The following TPP2 variants were observed in gnomAD, a reference collection of about 807,000 sequenced individuals.
TPP2 encodes tripeptidyl peptidase 2, also known as tripeptidyl-peptidase 2.
Under a neutral mutation model 155.9 loss-of-function variants are expected in TPP2, and 34 were observed. That is an observed-to-expected ratio of 0.22 (90% CI 0.17 to 0.29). TPP2 has a LOEUF of 0.29. TPP2 is among the 10% of genes least tolerant of loss of function. The probability of loss-of-function intolerance (pLI) is 1.00; values close to 1 mark genes in which losing one functional copy is unlikely to be tolerated. For synonymous variants in TPP2, 510 were observed against 529.4 expected (o/e 0.96, Z 0.50); for missense variants, 1,028 against 1,522.3 (o/e 0.68, Z 5.40).
chr13:102,640,252 A>G lies in TPP2; in HGVS notation c.1914-18A>G, dbSNP rs371456554. Reference sequence around the variant, plus strand: ...TTATAATAAATATATACATTTAATTACTTTTATTAATTTTCAGAGTAAATG... The same window carrying G: ...TTATAATAAATATATACATTTAATTGCTTTTATTAATTTTCAGAGTAAATG... On this transcript the variant is annotated intron_variant, in intron 15 of 29. Coordinates refer to ENST00000376052, the MANE Select transcript of TPP2 (RefSeq NM_001330588.2). 16 of 1,514,234 alleles carry G rather than the reference A, an allele frequency of 1.1e-5. No homozygotes were observed. In the African/African-American group the frequency reaches 1.7e-4, roughly 16 times the overall value. 93.8% of individuals were successfully genotyped at this position (1,514,234 alleles called of 1,614,324 possible). A position where few individuals can be genotyped will look rare whatever the true frequency, so the allele number is the denominator to read the frequency against.
chr13:102,665,807 A>G lies in TPP2; in HGVS notation c.3371+882A>G, dbSNP rs139621584. Among the ~76,000 whole-genome samples, 658 of 152,326 alleles carry G rather than the reference A, an allele frequency of 4.3e-3. 1 individual carries two copies. The highest frequency in any genetic ancestry group is 7.3e-3 in the Non-Finnish European group (496 of 68,034). On this transcript the variant is annotated intron_variant, in intron 27 of 29. Transcript: ENST00000376052. ...CTAAATTTTCCTTAAAAATTTTCTC[A>G]GTTTCAGTCAGTATTTTTTTCTACA...
rs565363065 is a variant in TPP2, at chr13:102,628,678, G to A, written c.1016+754G>A. On this transcript the variant is annotated intron_variant, in intron 8 of 29. Coordinates refer to ENST00000376052, the MANE Select transcript of TPP2 (RefSeq NM_001330588.2). Reference sequence around the variant, plus strand: ...AAATTACCTCGAGTATTTACTTGTTGATCATCTCTCCCCCATTCCCATCAC... The same window carrying A: ...AAATTACCTCGAGTATTTACTTGTTAATCATCTCTCCCCCATTCCCATCAC... Among the ~76,000 whole-genome samples, 63 of 151,976 alleles carry A rather than the reference G, an allele frequency of 4.1e-4. 2 individuals carry two copies. In the South Asian group the frequency reaches 0.013, roughly 31 times the overall value.
At chr13:102,649,214 GTTTATGACATCTAGGCTAAA>G in intron 22 of TPP2, 63 bp downstream of exon 22, 1 of 1,523,500 alleles carries the variant, frequency 6.6e-7, no homozygotes, top group Non-Finnish European at 8.8e-7. Flanking sequence ...TTTAATGTCA[GTTTATGACATCTAGGCTAAA>G]TTTAGAGGAT....
At position 102,659,199 on chromosome 13, in the gene TPP2, A is replaced by G. The variant is rs1462548446; in HGVS notation, c.3143+1992A>G. ...ACAGTGGAGAAAAAAGGAATGAAAA[A>G]AATGAACAGAGCAGAGCCTCAGAGA... On this transcript the variant is annotated intron_variant, in intron 25 of 29. Coordinates refer to ENST00000376052, the MANE Select transcript of TPP2 (RefSeq NM_001330588.2). 3.3e-5 allele frequency among the ~76,000 whole-genome samples: 5 copies of G among 152,208 alleles called. No individual in the cohort carries two copies. The East Asian group carries it at 9.6e-4, about 29-fold the overall frequency.
Position 102,633,996 on chromosome 13 carries a change from A to G in TPP2, c.1291A>G (p.Ile431Val), listed in dbSNP as rs759001033. 1.5e-5 allele frequency: 25 copies of G among 1,613,984 alleles called. No individual in the cohort carries two copies. The highest frequency in any genetic ancestry group is 1.7e-5 in the Admixed American group (1 of 59,980). ...GVSISAPGGA[I>V]ASVPNWTLRG... ...GAGTATCAGTGCGCCAGGAGGAGCCATTGCTTCTGTTCCTAACTGGACACT... is the reference window on the plus strand; with the variant it reads ...GAGTATCAGTGCGCCAGGAGGAGCCGTTGCTTCTGTTCCTAACTGGACACT... The change falls in exon 11 of 30, where the codon ATT becomes GTT. Residue 431 changes from isoleucine to valine, a missense_variant. Transcript: ENST00000376052.
At chr13:102,669,299 A>C (rs910029071) in intron 27 of TPP2, among the ~76,000 whole-genome samples, 1 of 152,116 alleles carries the variant, frequency 6.6e-6, no homozygotes, top group East Asian at 1.9e-4. Context: ...GACACGTTCT[A>C]CTGTGGCCTG....
intron 27 of TPP2, among the ~76,000 whole-genome samples, chr13:102,666,766 CTTTTTTTTTTTTTT>C: frequency 1.8e-5 from 1 of 55,734 alleles, no homozygotes; most frequent in Non-Finnish European, 3.1e-5. Flanking sequence ...TTTTTAATCT[CTTTTTTTTTTTTTT>C]TTTTTTTTTT....
intron 2 of TPP2, among the ~76,000 whole-genome samples, chr13:102,610,744 A>G (rs1595137681): frequency 6.6e-6 from 1 of 152,236 alleles, no homozygotes; most frequent in South Asian, 2.1e-4. Flanking sequence ...TCCCATGAGC[A>G]GATAAAAGTA....
intron 1 of TPP2, among the ~76,000 whole-genome samples, chr13:102,598,806 C>T (rs890377641): frequency 6.6e-6 from 1 of 152,138 alleles, no homozygotes; most frequent in Non-Finnish European, 1.5e-5. Context: ...GTTACTCTCT[C>T]TAAAGTAACA....
At position 102,641,397 on chromosome 13, in the gene TPP2, A is replaced by G. The variant is rs558547475; in HGVS notation, c.2020+1021A>G. On this transcript the variant is annotated intron_variant, in intron 16 of 29. Coordinates refer to ENST00000376052, the MANE Select transcript of TPP2 (RefSeq NM_001330588.2). Reference sequence around the variant, plus strand: ...CCCCTCTGCTAAGCACTTTACAGAGATTATCTTGTCTAGTCCCGTCAGAAC... The same window carrying G: ...CCCCTCTGCTAAGCACTTTACAGAGGTTATCTTGTCTAGTCCCGTCAGAAC... 1.1e-4 allele frequency among the ~76,000 whole-genome samples: 17 copies of G among 152,320 alleles called. No homozygotes were observed. In the South Asian group the frequency reaches 3.3e-3, roughly 30 times the overall value.
At chr13:102,667,113 T>C (rs1884659842) in intron 27 of TPP2, among the ~76,000 whole-genome samples, 2 of 152,200 alleles carry the variant, frequency 1.3e-5, no homozygotes, top group Admixed American at 6.5e-5. Context: ...TATGGGCAAG[T>C]AGCAGCCAAC....
chr13:102,672,474 T>C (rs1278890360), intron 27 of TPP2, among the ~76,000 whole-genome samples: 1 of 152,134 alleles, frequency 6.6e-6, no homozygotes, highest in Non-Finnish European at 1.5e-5. Flanking sequence ...TTCAGCCAAA[T>C]CCTCTTTCGA....
rs1273121044 is a variant in TPP2, at chr13:102,604,911, G to C, written c.284G>C (p.Arg95Thr). ...KDGEIVGLSG[R>T]VLKIPASWTN... ...GGTGAGATTGTTGGCCTTTCAGGAAGAGTGCTTAAGGTGAGACCTTTTGTC... is the reference window on the plus strand; with the variant it reads ...GGTGAGATTGTTGGCCTTTCAGGAACAGTGCTTAAGGTGAGACCTTTTGTC... The change falls in exon 2 of 30, where the codon AGA (arginine) becomes ACA (threonine). Residue 95 changes from arginine (R) to threonine (T), a missense_variant. This residue lies in a region of TPP2 where 300 missense variants were observed against 398.3 expected (regional missense o/e 0.75). Coordinates refer to ENST00000376052, the MANE Select transcript of TPP2 (RefSeq NM_001330588.2). The C allele has an allele frequency of 1.9e-6, 3 of 1,613,534 alleles. No individual in the cohort carries two copies. In the African/African-American group the frequency reaches 4.0e-5, roughly 22 times the overall value.
chr13:102,621,148 T>A (rs1051236188), intron 5 of TPP2, among the ~76,000 whole-genome samples: 2 of 152,198 alleles, frequency 1.3e-5, no homozygotes, highest in Non-Finnish European at 2.9e-5. Flanking sequence ...TCAGTAATAA[T>A]TTATGTTTTG....
chr13:102,668,652 A>T (rs1884766392), intron 27 of TPP2, among the ~76,000 whole-genome samples: 1 of 152,190 alleles, frequency 6.6e-6, no homozygotes, highest in Non-Finnish European at 1.5e-5. Flanking sequence ...GTGTCTGCCC[A>T]GGTAACAGGG....
chr13:102,613,974 T>C, intron 2 of TPP2, 127 bp from the exon 3 acceptor site: 1 of 702,092 alleles, frequency 1.4e-6, no homozygotes, highest in Non-Finnish European at 2.3e-6. Flanking sequence ...CACGTTGTTG[T>C]ACATGAGCAT....
At chr13:102,667,795 T>C (rs1375157588) in intron 27 of TPP2, 9 of 985,366 alleles carry the variant, frequency 9.1e-6, no homozygotes, top group Non-Finnish European at 9.6e-6. Context: ...AGCCCTTCTC[T>C]GGGCAGCCAG....
intron 23 of TPP2, among the ~76,000 whole-genome samples, chr13:102,650,562 C>A (rs933841244): frequency 1.3e-5 from 2 of 152,040 alleles, no homozygotes; most frequent in East Asian, 3.8e-4. Flanking sequence ...ATTTAAGAAA[C>A]CCTGGTAGTT....
At chr13:102,604,330 A>G (rs564645471) in intron 1 of TPP2, among the ~76,000 whole-genome samples, 12 of 152,234 alleles carry the variant, frequency 7.9e-5, no homozygotes, top group Admixed American at 7.2e-4. Context: ...AAAACCCCAC[A>G]CTGACCATCT....
Sources: allele counts gnomAD v4.1 joint callset (sites outside exome capture counted in the v4.1 genomes callset), GRCh38; gene constraint gnomAD v4.1.1; regional missense constraint gnomAD v4.1.1; transcripts MANE v1.5; gene names NCBI Gene and HGNC (gene_info 2026-07-23, HGNC 2026-07-21).